GLDC: variants seen among roughly 807,000 people sequenced by gnomAD.
GLDC encodes glycine dehydrogenase (decarboxylating), mitochondrial.
Under a neutral mutation model 121.3 loss-of-function variants are expected in GLDC, and 104 were observed. The observed-to-expected ratio is 0.86, with a 90% CI of 0.73 to 1.01. GLDC has a LOEUF of 1.01. GLDC is among the 50% of genes least tolerant of loss of function. The probability of loss-of-function intolerance (pLI) is 0.00; values close to 1 mark genes in which losing one functional copy is unlikely to be tolerated. For synonymous variants in GLDC, 546 were observed against 480.6 expected (o/e 1.14, Z -1.78); for missense variants, 1,429 against 1,306.6 (o/e 1.09, Z -1.44).
intron 8 of GLDC, among the ~76,000 whole-genome samples, chr9:6,598,462 C>T (rs1030672479): frequency 6.6e-6 from 1 of 152,176 alleles, no homozygotes; most frequent in Non-Finnish European, 1.5e-5. Flanking sequence ...GCCCCATCCA[C>T]GATGCGAAAC....
Position 6,645,318 on chromosome 9 carries a change from T to C in GLDC, c.182A>G (p.Asp61Gly). 6.3e-7 allele frequency: 1 copy of C among 1,590,392 alleles called. No homozygotes were observed. The highest frequency in any genetic ancestry group is 8.5e-7 in the Non-Finnish European group (1 of 1,170,338). The change falls in exon 1 of 25, where the codon GAC (aspartate) becomes GGC (glycine). Residue 61 changes from aspartate (D) to glycine (G), a missense_variant. By Grantham distance (94) the Asp-to-Gly change is moderately conservative (BLOSUM62 -1). Coordinates refer to ENST00000321612, the MANE Select transcript of GLDC (RefSeq NM_000170.3). The part of the protein sequence containing the change: ...RLLERLLPRH[D>G]DFARRHIGPG... Reference sequence around the variant, plus strand: ...GCCGATGTGCCTCCGAGCGAAGTCGTCGTGTCTGGGCAGAAGGCGCTCCAG... The same window carrying C: ...GCCGATGTGCCTCCGAGCGAAGTCGCCGTGTCTGGGCAGAAGGCGCTCCAG...
chr9:6,634,122 G>A (rs1478439519), intron 2 of GLDC, among the ~76,000 whole-genome samples: 1 of 152,020 alleles, frequency 6.6e-6, no homozygotes, highest in Non-Finnish European at 1.5e-5. Context: ...GAGCCACCGC[G>A]CCCGGCAGAG....
intron 15 of GLDC, chr9:6,568,753 G>C (rs953779167): frequency 1.3e-5 from 2 of 152,314 alleles, no homozygotes; most frequent in African/African-American, 4.8e-5. Context: ...GGAGGCTGAA[G>C]TGGGAGAATC....
In GLDC at chr9:6,534,758, A is replaced by G. The variant is rs386833571; in HGVS notation, c.2869T>C (p.Ser957Pro). ...GAATAAGGCCGGTCCCAGTGGGAAGATGTAACGCAGGTCAGGGAGTGTGGA... is the reference window on the plus strand; with the variant it reads ...GAATAAGGCCGGTCCCAGTGGGAAGGTGTAACGCAGGTCAGGGAGTGTGGA... ...MSPHSLTCVT[S>P]SHWDRPYSRE... Residue 957 changes from serine (S) to proline (P), a missense_variant, in exon 24 of 25, where the codon TCT (serine) becomes CCT (proline). Transcript: ENST00000321612. 3.7e-6 allele frequency: 6 copies of G among 1,607,502 alleles called. No individual in the cohort carries two copies. Among genetic ancestry groups the G allele is most frequent in the Non-Finnish European group, 5.1e-6 (6 of 1,173,986 alleles).
intron 2 of GLDC, among the ~76,000 whole-genome samples, chr9:6,633,780 G>C (rs1440162588): frequency 6.7e-6 from 1 of 150,174 alleles, no homozygotes; most frequent in Non-Finnish European, 1.5e-5. Flanking sequence ...AATGAGCTAG[G>C]CGTGTAATCC....
intron 15 of GLDC, among the ~76,000 whole-genome samples, chr9:6,585,413 C>G (rs138353301): frequency 4.0e-4 from 61 of 152,204 alleles, no homozygotes; most frequent in Non-Finnish European, 7.5e-4. Flanking sequence ...TAAAACAAAA[C>G]AAAAATAAGT....
At chr9:6,566,053 G>T (rs76004650) in intron 15 of GLDC, among the ~76,000 whole-genome samples, 1 of 152,278 alleles carries the variant, frequency 6.6e-6, no homozygotes, top group African/African-American at 2.4e-5. Context: ...ATCAGCCTGG[G>T]CAGCATGGCG....
chr9:6,539,849 T>C (rs1355813681), intron 22 of GLDC, among the ~76,000 whole-genome samples: 3 of 152,204 alleles, frequency 2.0e-5, no homozygotes, highest in Non-Finnish European at 2.9e-5. Context: ...TCAAGATGCA[T>C]ATTTTAATAT....
chr9:6,543,173 G>C (rs2129676120), intron 21 of GLDC, among the ~76,000 whole-genome samples: 1 of 152,212 alleles, frequency 6.6e-6, no homozygotes, highest in Middle Eastern at 3.4e-3. Flanking sequence ...TACTTGGGAG[G>C]CTGAGGTGGG....
chr9:6,537,916 G>A (rs1817169987), intron 22 of GLDC, among the ~76,000 whole-genome samples: 1 of 152,086 alleles, frequency 6.6e-6, no homozygotes, highest in African/African-American at 2.4e-5. Flanking sequence ...CTTACTTTCT[G>A]ACGCATTTCA....
At chr9:6,608,678 G>A (rs1330582223) in intron 4 of GLDC, among the ~76,000 whole-genome samples, 2 of 152,030 alleles carry the variant, frequency 1.3e-5, no homozygotes, top group East Asian at 3.8e-4. Flanking sequence ...CCCGGGAGGC[G>A]GAGCTTGCAG....
At position 6,554,685 on chromosome 9, in the gene GLDC, T is replaced by C. The variant is rs1817583144; in HGVS notation, c.2299A>G (p.Met767Val). 1.2e-6 allele frequency: 2 copies of C among 1,611,434 alleles called. No individual in the cohort carries two copies. The highest frequency in any genetic ancestry group is 1.7e-6 in the Non-Finnish European group (2 of 1,179,218). Residue 767 changes from methionine to valine, a missense_variant, in exon 19 of 25, where the codon ATG becomes GTG. Transcript: ENST00000321612. Reference sequence around the variant, plus strand: ...AGAACTTACACTCCGATGGGCCCCATGCCAGGACCACCTCCTCCGTGGGGA... The same window carrying C: ...AGAACTTACACTCCGATGGGCCCCACGCCAGGACCACCTCCTCCGTGGGGA... ...CIPHGGGGPG[M>V]GPIGVKKHLA...
chr9:6,631,322 G>A (rs200684855), intron 2 of GLDC, among the ~76,000 whole-genome samples: 8 of 152,168 alleles, frequency 5.3e-5, no homozygotes, highest in East Asian at 1.9e-4. Context: ...CCTTGTCTCC[G>A]TATGAGTGAG....
intron 20 of GLDC, among the ~76,000 whole-genome samples, chr9:6,551,844 C>A (rs569634739): frequency 4.7e-4 from 72 of 152,118 alleles, no homozygotes; most frequent in African/African-American, 1.7e-3. Flanking sequence ...CATTTTTAAG[C>A]CCAAAACTTC....
At chr9:6,623,434 C>T (rs1819162212) in intron 2 of GLDC, among the ~76,000 whole-genome samples, 1 of 148,204 alleles carries the variant, frequency 6.7e-6, no homozygotes, top group Admixed American at 6.8e-5. Context: ...CGTTAAGAGT[C>T]ATCACCACTC....
At chr9:6,563,859 G>C (rs891661487) in intron 16 of GLDC, among the ~76,000 whole-genome samples, 1 of 152,036 alleles carries the variant, frequency 6.6e-6, no homozygotes. Context: ...CTAGGGCCAG[G>C]TGCAGAGGGT....
At chr9:6,576,610 G>A (rs1229687495) in intron 15 of GLDC, among the ~76,000 whole-genome samples, 6 of 152,064 alleles carry the variant, frequency 3.9e-5, no homozygotes, top group Admixed American at 3.9e-4. Flanking sequence ...GGGATTACAG[G>A]CCCCTGCCAC....
Position 6,620,650 on chromosome 9 carries a change from G to A in GLDC, c.335-331C>T, listed in dbSNP as rs899281170. Among the ~76,000 whole-genome samples, 4 of 151,890 alleles carry A rather than the reference G, an allele frequency of 2.6e-5. No homozygotes were observed. The South Asian group carries it at 6.2e-4, about 24-fold the overall frequency. On this transcript the variant is annotated intron_variant, in intron 2 of 24. Transcript: ENST00000321612. ...CCCTTTCTATTTCTGCTGTATATAC[G>A]CTAAATAAAAATTCTGTCTTACTCC...
intron 19 of GLDC, among the ~76,000 whole-genome samples, chr9:6,554,440 G>A (rs1817576660): frequency 1.3e-5 from 2 of 152,144 alleles, no homozygotes; most frequent in Non-Finnish European, 2.9e-5. Flanking sequence ...TGTGCAACTG[G>A]AAGCTCAGTG....
Sources: gnomAD v4.1 joint callset for allele counts (sites outside exome capture counted in the v4.1 genomes callset) on GRCh38, gnomAD v4.1.1 for gene constraint, MANE v1.5 for transcripts, NCBI Gene and HGNC (gene_info 2026-07-23, HGNC 2026-07-21) for gene names.